The following CSMD1 variants were observed in gnomAD, a reference collection of about 807,000 sequenced individuals.
CSMD1 encodes the protein CUB and sushi domain-containing protein 1.
In CSMD1, 213 loss-of-function variants were observed where a neutral mutation model predicts 417.5. That is an observed-to-expected ratio of 0.51 (90% CI 0.46 to 0.57). The LOEUF (loss-of-function observed/expected upper bound fraction) is 0.57, where lower values mean the gene tolerates loss of function less well. Ranked by LOEUF, CSMD1 falls within the 20% of genes least tolerant of loss-of-function variation. The pLI is 0.00. For synonymous variants in CSMD1, 2,862 were observed against 1,736.8 expected (o/e 1.65, Z -16.11); for missense variants, 6,923 against 4,529.7 (o/e 1.53, Z -15.17).
At chr8:4,563,851 G>T (rs1798461794) in intron 2 of CSMD1, among the ~76,000 whole-genome samples, 1 of 152,122 alleles carries the variant, frequency 6.6e-6, no homozygotes, top group Admixed American at 6.5e-5. Context: ...TAGGATATCT[G>T]CTGAGAAGAC....
chr8:4,635,698 G>C lies in CSMD1; in HGVS notation c.302+1644C>G, dbSNP rs117664407. Among the ~76,000 whole-genome samples the C allele has an allele frequency of 1.0e-3, 157 of 152,112 alleles. 1 individual carries two copies. The East Asian group carries it at 0.025, about 24-fold the overall frequency. On this transcript the variant is annotated intron_variant, in intron 2 of 69. Coordinates refer to ENST00000635120, the MANE Select transcript of CSMD1 (RefSeq NM_033225.6). Reference sequence around the variant, plus strand: ...CATTATAATACACTACTATACCCTAGTAGCGTTGATAATTGACAACAAAAA... The same window carrying C: ...CATTATAATACACTACTATACCCTACTAGCGTTGATAATTGACAACAAAAA...
At chr8:3,445,702 G>A (rs972031052) in intron 12 of CSMD1, among the ~76,000 whole-genome samples, 17 of 152,176 alleles carry the variant, frequency 1.1e-4, no homozygotes, top group Admixed American at 3.9e-4. Context: ...ACAAGGCCAT[G>A]TAGCAAATGA....
At chr8:3,590,711 C>G (rs1334987141) in intron 8 of CSMD1, among the ~76,000 whole-genome samples, 2 of 152,280 alleles carry the variant, frequency 1.3e-5, no homozygotes, top group East Asian at 3.9e-4. Flanking sequence ...TTGATTGCAG[C>G]TGGCAAACAG....
intron 23 of CSMD1, among the ~76,000 whole-genome samples, chr8:3,320,760 G>A (rs370165275): frequency 1.3e-5 from 2 of 152,130 alleles, no homozygotes; most frequent in East Asian, 3.9e-4. Flanking sequence ...GCAGGTGCCA[G>A]CCCATCCTCT....
At chr8:4,048,127 C>G (rs1044914952) in intron 3 of CSMD1, among the ~76,000 whole-genome samples, 1 of 152,144 alleles carries the variant, frequency 6.6e-6, no homozygotes, top group Non-Finnish European at 1.5e-5. Context: ...TCTAAACATA[C>G]TTGCCTAAGG....
At chr8:3,354,473 A>G (rs930289262) in intron 21 of CSMD1, among the ~76,000 whole-genome samples, 1 of 152,092 alleles carries the variant, frequency 6.6e-6, no homozygotes, top group African/African-American at 2.4e-5. Flanking sequence ...CAGAAAGTCT[A>G]CCTTTCTCCT....
intron 1 of CSMD1, among the ~76,000 whole-genome samples, chr8:4,949,982 T>C (rs186836741): frequency 9.6e-4 from 146 of 152,316 alleles, no homozygotes; most frequent in African/African-American, 3.3e-3. Context: ...AAATGTTTTT[T>C]ATCTAATTGG....
At chr8:4,345,190 G>A (rs777438397) in intron 3 of CSMD1, among the ~76,000 whole-genome samples, 7 of 152,104 alleles carry the variant, frequency 4.6e-5, no homozygotes, top group South Asian at 4.1e-4. Context: ...GCAAGACATC[G>A]CATTGATGAC....
intron 3 of CSMD1, among the ~76,000 whole-genome samples, chr8:4,085,162 C>T (rs1344066141): frequency 6.6e-6 from 1 of 152,198 alleles, no homozygotes; most frequent in Admixed American, 6.5e-5. Flanking sequence ...GTCACCATTA[C>T]AGACTCTGCT....
chr8:4,430,600 C>G (rs148971465), intron 2 of CSMD1, among the ~76,000 whole-genome samples: 2 of 152,124 alleles, frequency 1.3e-5, no homozygotes, highest in East Asian at 3.9e-4. Context: ...GCATTCTAGA[C>G]AAGTTTGTCA....
chr8:3,237,858 A>G (rs868286081), intron 26 of CSMD1, among the ~76,000 whole-genome samples: 5 of 56,418 alleles, frequency 8.9e-5, no homozygotes, highest in East Asian at 4.7e-4. Context: ...TATACTATAA[A>G]TATAATTTTT....
intron 3 of CSMD1, among the ~76,000 whole-genome samples, chr8:4,247,981 A>C (rs1802814913): frequency 6.6e-6 from 1 of 152,018 alleles, no homozygotes; most frequent in Non-Finnish European, 1.5e-5. Flanking sequence ...GCTTCAACCA[A>C]CCTTCAGTTT....
chr8:4,963,048 T>C (rs1199372280), intron 1 of CSMD1, among the ~76,000 whole-genome samples: 1 of 152,114 alleles, frequency 6.6e-6, no homozygotes, highest in African/African-American at 2.4e-5. Context: ...TACTCCTGCA[T>C]GGAACTGCAC....
intron 36 of CSMD1, among the ~76,000 whole-genome samples, chr8:3,187,116 T>C (rs1000488350): frequency 2.0e-5 from 3 of 152,184 alleles, no homozygotes; most frequent in African/African-American, 4.8e-5. Context: ...TCAGGAAATG[T>C]GGGCAACTGT....
intron 1 of CSMD1, among the ~76,000 whole-genome samples, chr8:4,974,198 G>C (rs1344719245): frequency 8.3e-6 from 1 of 121,118 alleles, no homozygotes; most frequent in African/African-American, 2.9e-5. Context: ...TTTTTTTTTT[G>C]TATTTTTAAT....
intron 10 of CSMD1, among the ~76,000 whole-genome samples, chr8:3,503,158 T>C (rs1397287648): frequency 6.6e-6 from 1 of 152,148 alleles, no homozygotes; most frequent in Non-Finnish European, 1.5e-5. Context: ...AAAGACTGAA[T>C]TTCAACCTAG....
At chr8:3,658,706 G>A (rs1367861282) in intron 7 of CSMD1, among the ~76,000 whole-genome samples, 1 of 151,894 alleles carries the variant, frequency 6.6e-6, no homozygotes, top group Non-Finnish European at 1.5e-5. Flanking sequence ...ACACTTGAAC[G>A]CAGGAGGCTA....
At chr8:3,714,327 C>G (rs1203840303) in intron 6 of CSMD1, among the ~76,000 whole-genome samples, 1 of 150,710 alleles carries the variant, frequency 6.6e-6, no homozygotes, top group Non-Finnish European at 1.5e-5. Context: ...ATTCCATAAG[C>G]TACTAATCTT....
intron 1 of CSMD1, among the ~76,000 whole-genome samples, chr8:4,938,536 G>A (rs539508518): frequency 6.6e-6 from 1 of 152,198 alleles, no homozygotes; most frequent in African/African-American, 2.4e-5. Context: ...ACACTGTGCT[G>A]AGTATGACAG....
Sources: gnomAD v4.1 joint callset for allele counts (sites outside exome capture counted in the v4.1 genomes callset) on GRCh38, gnomAD v4.1.1 for gene constraint, MANE v1.5 for transcripts, NCBI Gene and HGNC (gene_info 2026-07-23, HGNC 2026-07-21) for gene names.